CERS6: variants seen among roughly 807,000 people sequenced by gnomAD.
CERS6 encodes ceramide synthase 6, also known as LAG1 homolog, ceramide synthase 6.
In CERS6, 26 loss-of-function variants were observed where a neutral mutation model predicts 56.8. That is an observed-to-expected ratio of 0.46 (90% CI 0.34 to 0.63). CERS6 has a LOEUF of 0.63. Ranked by LOEUF, CERS6 falls within the 30% of genes least tolerant of loss-of-function variation. CERS6 has a pLI of 0.01. For synonymous variants in CERS6, 164 were observed against 173.3 expected, an observed-to-expected ratio of 0.95 and a Z score of 0.42; for missense variants, 415 against 467.5, an observed-to-expected ratio of 0.89 and a Z score of 1.04.
chr2:168,479,172 T>C (rs138589249), intron 1 of CERS6, among the ~76,000 whole-genome samples: 196 of 152,352 alleles, frequency 1.3e-3, no homozygotes, highest in Non-Finnish European at 2.5e-3. Context: ...TTATAATTTA[T>C]CTTACTAGTT....
At chr2:168,514,675 A>G (rs546188150) in intron 1 of CERS6, among the ~76,000 whole-genome samples, 2 of 152,346 alleles carry the variant, frequency 1.3e-5, no homozygotes, top group South Asian at 4.1e-4. Context: ...TGGGTTAGAC[A>G]TACTTCTTTG....
rs150237098 is a variant in CERS6 at position 168,585,920 on chromosome 2, A to T, written c.407+24598A>T. Reference sequence around the variant, plus strand: ...ACAACTAGGGAGGGAAATGTTGCACAACTAGGGCATTTAGATTCTGCAATA... The same window carrying T: ...ACAACTAGGGAGGGAAATGTTGCACTACTAGGGCATTTAGATTCTGCAATA... On this transcript the variant is annotated intron_variant, in intron 3 of 9. Transcript: ENST00000305747. Among the ~76,000 whole-genome samples the T allele has an allele frequency of 2.1e-4, 32 of 152,344 alleles. No homozygotes were observed. In the East Asian group the frequency reaches 5.6e-3, roughly 27 times the overall value.
chr2:168,464,738 C>T (rs1693840861), intron 1 of CERS6, among the ~76,000 whole-genome samples: 1 of 151,190 alleles, frequency 6.6e-6, no homozygotes, highest in Non-Finnish European at 1.5e-5. Flanking sequence ...AATGGATTAT[C>T]TAAATTCTGG....
intron 4 of CERS6, among the ~76,000 whole-genome samples, chr2:168,636,325 T>G (rs1684859677): frequency 1.3e-5 from 2 of 152,206 alleles, no homozygotes; most frequent in South Asian, 4.1e-4. Flanking sequence ...TAGATAAGTT[T>G]TAAAAAGCTA....
chr2:168,700,389 T>C (rs1020180590), intron 6 of CERS6, among the ~76,000 whole-genome samples: 49 of 152,176 alleles, frequency 3.2e-4, no homozygotes, highest in Non-Finnish European at 4.4e-4. Flanking sequence ...CTATGTAGTG[T>C]ACGGTGCTTG....
At chr2:168,477,809 CTG>C (rs1694107056) in intron 1 of CERS6, among the ~76,000 whole-genome samples, 1 of 152,174 alleles carries the variant, frequency 6.6e-6, no homozygotes, top group African/African-American at 2.4e-5. Flanking sequence ...TGCCAATTGA[CTG>C]TGTGAAAAAT....
chr2:168,724,949 G>A (rs563561004), intron 8 of CERS6, among the ~76,000 whole-genome samples: 1 of 152,354 alleles, frequency 6.6e-6, no homozygotes, highest in South Asian at 2.1e-4. Flanking sequence ...GGAGCAGGGG[G>A]TGGCACTCGT....
At chr2:168,691,714 C>T (rs1177556880) in intron 5 of CERS6, among the ~76,000 whole-genome samples, 1 of 152,162 alleles carries the variant, frequency 6.6e-6, no homozygotes, top group African/African-American at 2.4e-5. Context: ...GTGATATAAG[C>T]ATGTGTTGTT....
chr2:168,470,345 A>G (rs1247370751), intron 1 of CERS6, among the ~76,000 whole-genome samples: 1 of 152,088 alleles, frequency 6.6e-6, no homozygotes, highest in African/African-American at 2.4e-5. Flanking sequence ...ATTGCACCAT[A>G]AGAAATGGCT....
intron 1 of CERS6, among the ~76,000 whole-genome samples, chr2:168,526,762 G>T (rs948652728): frequency 3.3e-5 from 5 of 152,224 alleles, no homozygotes; most frequent in African/African-American, 1.2e-4. Flanking sequence ...CACCCTGTGC[G>T]AGTGGCCTGA....
At chr2:168,716,219 T>G (rs533581998) in intron 7 of CERS6, among the ~76,000 whole-genome samples, 37 of 152,304 alleles carry the variant, frequency 2.4e-4, no homozygotes, top group African/African-American at 8.9e-4. Flanking sequence ...TTTTAAGTGA[T>G]TCAAGCTAAC....
intron 8 of CERS6, 110 bp downstream of exon 8, chr2:168,718,088 G>C: frequency 5.6e-6 from 4 of 715,666 alleles, no homozygotes; most frequent in Admixed American, 2.9e-5. Flanking sequence ...AATATATTGG[G>C]GGGGAGGGGA....
At chr2:168,572,747 C>T (rs908435007) in intron 3 of CERS6, among the ~76,000 whole-genome samples, 1 of 152,066 alleles carries the variant, frequency 6.6e-6, no homozygotes, top group Non-Finnish European at 1.5e-5. Flanking sequence ...TACTAGAGCA[C>T]TTGGAGACTT....
At chr2:168,536,609 A>C (rs1489266324) in intron 1 of CERS6, among the ~76,000 whole-genome samples, 1 of 152,186 alleles carries the variant, frequency 6.6e-6, no homozygotes, top group East Asian at 1.9e-4. Context: ...AAGTCTTTGT[A>C]ACCATTAAAT....
chr2:168,720,477 G>C (rs1247041146), intron 8 of CERS6, among the ~76,000 whole-genome samples: 1 of 152,114 alleles, frequency 6.6e-6, no homozygotes, highest in Non-Finnish European at 1.5e-5. Flanking sequence ...TGAGTATCTT[G>C]ATTGACATTC....
chr2:168,537,538 G>T (rs1695287123), intron 1 of CERS6, among the ~76,000 whole-genome samples: 1 of 151,850 alleles, frequency 6.6e-6, no homozygotes, highest in Non-Finnish European at 1.5e-5. Context: ...AAAATAGCCT[G>T]CTTTAAAAAA....
chr2:168,536,509 A>G (rs1294404239), intron 1 of CERS6, among the ~76,000 whole-genome samples: 1 of 152,202 alleles, frequency 6.6e-6, no homozygotes, highest in Non-Finnish European at 1.5e-5. Flanking sequence ...TCACTATAGT[A>G]GCCATTTTAC....
At chr2:168,661,494 C>A (rs924668553) in intron 4 of CERS6, among the ~76,000 whole-genome samples, 2 of 152,194 alleles carry the variant, frequency 1.3e-5, no homozygotes, top group African/African-American at 4.8e-5. Context: ...AACCTTTCTC[C>A]TCATTTAAGG....
chr2:168,465,779 G>A (rs532584261), intron 1 of CERS6, among the ~76,000 whole-genome samples: 162 of 152,208 alleles, frequency 1.1e-3, no homozygotes, highest in African/African-American at 3.5e-3. Flanking sequence ...CTGCATGGTG[G>A]TCTTGGTTGC....
Sources: allele counts gnomAD v4.1 joint callset (sites outside exome capture counted in the v4.1 genomes callset), GRCh38; gene constraint gnomAD v4.1.1; transcripts MANE v1.5; gene names NCBI Gene and HGNC (gene_info 2026-07-23, HGNC 2026-07-21).